PLCL2: variants seen among roughly 807,000 people sequenced by gnomAD.
The protein encoded by PLCL2 is inactive phospholipase C-like protein 2.
In PLCL2, 4 loss-of-function variants were observed where a neutral mutation model predicts 79.6. The ratio of observed to expected loss-of-function variants is 0.05; its 90% CI spans 0.02 to 0.11. The LOEUF is 0.11. PLCL2 is among the 10% of genes least tolerant of loss of function. PLCL2 has a pLI of 1.00. For synonymous variants in PLCL2, 484 were observed against 457.7 expected, an observed-to-expected ratio of 1.06 and a Z score of -0.73; for missense variants, 895 against 1,291.0, an observed-to-expected ratio of 0.69 and a Z score of 4.70.
chr3:17,022,302 A>T (rs1026496613), intron 3 of PLCL2, among the ~76,000 whole-genome samples: 1 of 152,114 alleles, frequency 6.6e-6, no homozygotes, highest in Non-Finnish European at 1.5e-5. Flanking sequence ...TTTTCTTCCT[A>T]TGCAAAAGTA....
chr3:16,951,988 A>G (rs2063657993), intron 1 of PLCL2, among the ~76,000 whole-genome samples: 1 of 152,060 alleles, frequency 6.6e-6, no homozygotes, highest in Non-Finnish European at 1.5e-5. Flanking sequence ...GGTGCCTGCT[A>G]TGGCCTGAGC....
At chr3:16,890,976 T>C (rs1696333732) in intron 1 of PLCL2, among the ~76,000 whole-genome samples, 1 of 152,250 alleles carries the variant, frequency 6.6e-6, no homozygotes, top group South Asian at 2.1e-4. Context: ...CATTCCAGAA[T>C]GGCAAACCAG....
chr3:17,017,756 T>C (rs1171098520), intron 3 of PLCL2, among the ~76,000 whole-genome samples: 2 of 152,254 alleles, frequency 1.3e-5, no homozygotes, highest in Non-Finnish European at 2.9e-5. Context: ...GACAGTGCCA[T>C]GGTACCTCCT....
chr3:16,916,689 A>G (rs1282580714), intron 1 of PLCL2, among the ~76,000 whole-genome samples: 1 of 152,224 alleles, frequency 6.6e-6, no homozygotes, highest in Non-Finnish European at 1.5e-5. Context: ...GGAAAAGTCC[A>G]AATAATTGAT....
Position 16,955,363 on chromosome 3 carries a change from C to T in PLCL2, c.328-54311C>T, listed in dbSNP as rs796898283. On this transcript the variant is annotated intron_variant, in intron 1 of 5. Transcript: ENST00000615277. Reference sequence around the variant, plus strand: ...AGATGTGTGGTATTATTTCTGAGGGCTCTGTTCTGTTCCATTGATCTATAT... The same window carrying T: ...AGATGTGTGGTATTATTTCTGAGGGTTCTGTTCTGTTCCATTGATCTATAT... 2.4e-3 allele frequency among the ~76,000 whole-genome samples: 372 copies of T among 152,226 alleles called. 2 individuals carry two copies. Among genetic ancestry groups the T allele is most frequent in the Non-Finnish European group, 4.3e-3 (290 of 68,016 alleles).
chr3:16,962,088 A>T (rs1405704486), intron 1 of PLCL2, among the ~76,000 whole-genome samples: 2 of 152,232 alleles, frequency 1.3e-5, no homozygotes, highest in East Asian at 3.8e-4. Flanking sequence ...ATGGACGCCC[A>T]GGAGTAGGTC....
chr3:17,040,788 C>T (rs1029872570), intron 3 of PLCL2, among the ~76,000 whole-genome samples: 2 of 152,158 alleles, frequency 1.3e-5, no homozygotes, highest in Non-Finnish European at 2.9e-5. Context: ...CTGTTTCTGC[C>T]GCTACACCAC....
intron 1 of PLCL2, among the ~76,000 whole-genome samples, chr3:16,955,360 G>T (rs1321496730): frequency 2.0e-5 from 3 of 152,102 alleles, no homozygotes; most frequent in Non-Finnish European, 4.4e-5. Context: ...TTATTTCTGA[G>T]GGCTCTGTTC....
At chr3:16,984,685 C>G (rs957892195) in intron 1 of PLCL2, among the ~76,000 whole-genome samples, 3 of 152,150 alleles carry the variant, frequency 2.0e-5, no homozygotes, top group African/African-American at 7.2e-5. Flanking sequence ...GTAATCCCAG[C>G]ACTTTGGGAG....
chr3:16,898,937 AG>A (rs1245688730), intron 1 of PLCL2, among the ~76,000 whole-genome samples: 1 of 138,994 alleles, frequency 7.2e-6, no homozygotes, highest in Admixed American at 7.0e-5. Flanking sequence ...GTGGAGGGGG[AG>A]GGGGTTGCGG....
chr3:17,051,044 A>G (rs2064833679), intron 4 of PLCL2, among the ~76,000 whole-genome samples: 1 of 152,226 alleles, frequency 6.6e-6, no homozygotes, highest in Admixed American at 6.5e-5. Flanking sequence ...CCAAGCACAG[A>G]AAGACAAACA....
At chr3:17,059,937 G>A (rs952466427) in intron 4 of PLCL2, among the ~76,000 whole-genome samples, 5 of 152,214 alleles carry the variant, frequency 3.3e-5, no homozygotes, top group Non-Finnish European at 7.3e-5. Context: ...TGGTAATCAT[G>A]CCAAACTGTG....
chr3:17,061,495 ATTTTATCAACATTAT>A (rs912474117), intron 4 of PLCL2, among the ~76,000 whole-genome samples: 2 of 152,146 alleles, frequency 1.3e-5, no homozygotes, highest in African/African-American at 4.8e-5. Context: ...AAAACCTGAC[ATTTTATCAACATTAT>A]AATTCATTTT....
intron 1 of PLCL2, among the ~76,000 whole-genome samples, chr3:16,956,488 C>G (rs2063706813): frequency 1.3e-5 from 2 of 152,250 alleles, no homozygotes; most frequent in South Asian, 2.1e-4. Flanking sequence ...GTCTAAAATT[C>G]TCTTTTTTTG....
chr3:17,070,440 G>A (rs933011661), intron 5 of PLCL2, among the ~76,000 whole-genome samples: 1 of 152,180 alleles, frequency 6.6e-6, no homozygotes, highest in African/African-American at 2.4e-5. Flanking sequence ...TAACACCTCA[G>A]ACTTATGTTC....
intron 2 of PLCL2, 118 bp from the exon 3 acceptor site, chr3:17,014,590 A>G: frequency 1.3e-6 from 1 of 779,046 alleles, no homozygotes; most frequent in South Asian, 1.6e-5. Flanking sequence ...CTGTTATAAC[A>G]CTGTTAATAA....
At chr3:16,954,786 A>G (rs1293850722) in intron 1 of PLCL2, among the ~76,000 whole-genome samples, 2 of 152,144 alleles carry the variant, frequency 1.3e-5, no homozygotes, top group African/African-American at 4.8e-5. Flanking sequence ...AGTGATGGTG[A>G]GCATTTTTTG....
At chr3:17,036,463 C>CT (rs2124914705) in intron 3 of PLCL2, among the ~76,000 whole-genome samples, 1 of 152,170 alleles carries the variant, frequency 6.6e-6, no homozygotes, top group Non-Finnish European at 1.5e-5. Flanking sequence ...GTCTCAAATC[C>CT]CGATGTTTTA....
intron 3 of PLCL2, among the ~76,000 whole-genome samples, chr3:17,019,141 G>A (rs1472668054): frequency 6.6e-6 from 1 of 152,210 alleles, no homozygotes; most frequent in African/African-American, 2.4e-5. Flanking sequence ...AACTAGACCT[G>A]TAAGAATGAG....
Sources: gnomAD v4.1 joint callset for allele counts (sites outside exome capture counted in the v4.1 genomes callset) on GRCh38, gnomAD v4.1.1 for gene constraint, MANE v1.5 for transcripts, NCBI Gene and HGNC (gene_info 2026-07-23, HGNC 2026-07-21) for gene names.